The following C17orf67 variants were observed in gnomAD, a reference collection of about 807,000 sequenced individuals.
C17orf67 encodes uncharacterized protein C17orf67.
C17orf67 carries 12 observed loss-of-function variants against 11.2 expected under a neutral mutation model. That is an observed-to-expected ratio of 1.07 (90% CI 0.68 to 1.73). The LOEUF is 1.73. C17orf67 is among the 40% of genes most tolerant of loss of function. C17orf67 has a pLI of 0.00. For missense variants in C17orf67, 115 were observed against 113.5 expected (o/e 1.01, Z -0.06); for synonymous variants, 59 against 46.9 (o/e 1.26, Z -1.05).
At position 56,808,649 on chromosome 17, in the gene C17orf67, G is replaced by C. The variant is rs964284241; in HGVS notation, c.156+6220C>G. On this transcript the variant is annotated intron_variant, in intron 6 of 7. Transcript: ENST00000397861. ...AGCACTTTGTCCTTCCCACCACCAA[G>C]TCAGAAAAGAACAGCTTGTTGCAGT... is the stretch of plus-strand genomic sequence containing the variant. Among the ~76,000 whole-genome samples the C allele has an allele frequency of 2.6e-5, 4 of 152,180 alleles. No individual in the cohort carries two copies. The East Asian group carries it at 7.7e-4, about 29-fold the overall frequency.
At chr17:56,830,573 C>T (rs1906172363) in intron 2 of C17orf67, among the ~76,000 whole-genome samples, 1 of 152,022 alleles carries the variant, frequency 6.6e-6, no homozygotes, top group Admixed American at 6.6e-5. Flanking sequence ...TGGGGAACCC[C>T]ACATCACTTT....
At chr17:56,809,567 G>GCCTCACACACACC (rs1258807759) in intron 6 of C17orf67, among the ~76,000 whole-genome samples, 1 of 85,708 alleles carries the variant, frequency 1.2e-5, no homozygotes, top group Non-Finnish European at 2.3e-5. Flanking sequence ...CACATACACA[G>GCCTCACACACACC]CCTCACACAC....
chr17:56,793,547 T>C (rs1905156853), intron 7 of C17orf67, among the ~76,000 whole-genome samples: 1 of 152,198 alleles, frequency 6.6e-6, no homozygotes, highest in Non-Finnish European at 1.5e-5. Context: ...TAATAAGTGC[T>C]TTTATATTTA....
chr17:56,817,443 AAT>A lies in C17orf67; in HGVS notation c.-200-1435_-200-1434del, dbSNP rs1056010276. On this transcript the variant is annotated intron_variant, in intron 4 of 7. Transcript: ENST00000397861. ...GTTGTCTCACATGTTCATTTGCTCAAATATATATATATATAAGTAAATTTTTT... is the reference window on the plus strand; with the variant it reads ...GTTGTCTCACATGTTCATTTGCTCAAATATATATATATAAGTAAATTTTTT... Among the ~76,000 whole-genome samples, 14 of 150,766 alleles carry A rather than the reference AAT, an allele frequency of 9.3e-5. No individual in the cohort carries two copies. The East Asian group carries it at 1.4e-3, about 15-fold the overall frequency.
chr17:56,814,690 G>T (rs1477923365), intron 6 of C17orf67, among the ~76,000 whole-genome samples, 179 bp downstream of exon 6: 1 of 152,194 alleles, frequency 6.6e-6, no homozygotes, highest in Non-Finnish European at 1.5e-5. Context: ...GGTGAGTCGG[G>T]CTGGCACCTC....
chr17:56,804,006 T>C (rs1905386624), intron 6 of C17orf67: 1 of 152,178 alleles, frequency 6.6e-6, no homozygotes, highest in Non-Finnish European at 1.5e-5. Flanking sequence ...ACATTAAGGA[T>C]AATCTCAAAT....
intron 2 of C17orf67, among the ~76,000 whole-genome samples, chr17:56,829,259 A>C (rs1423667741): frequency 6.6e-6 from 1 of 152,166 alleles, no homozygotes; most frequent in Non-Finnish European, 1.5e-5. Context: ...CTGGGCAACA[A>C]GAGCAAGACT....
rs748986408 is a variant in C17orf67 at position 56,795,172 on chromosome 17, C to T, written c.165G>A (p.Met55Ile). The change falls in exon 7 of 8, where the codon ATG becomes ATA. Residue 55 changes from methionine (M) to isoleucine (I), a missense_variant. Met to Ile is a conservative substitution (Grantham distance 10, BLOSUM62 1). Transcript: ENST00000397861. ...GATGCTCCAGGGCGAGCAGGTGGTG[C>T]ATGTATTCCTGTCAAAACAAACCAC... ...GFPDEPMREY[M>I]HHLLALEHRA... The T allele has an allele frequency of 2.7e-5, 43 of 1,614,074 alleles. No individual in the cohort carries two copies. Among genetic ancestry groups the T allele is most frequent in the Non-Finnish European group, 3.6e-5 (42 of 1,180,010 alleles).
intron 2 of C17orf67, among the ~76,000 whole-genome samples, chr17:56,831,451 A>C (rs1369716691): frequency 6.6e-6 from 1 of 152,176 alleles, no homozygotes. Flanking sequence ...ACCTTTTGAC[A>C]CTAGAGTAGA....
chr17:56,820,391 C>T (rs188768032), intron 4 of C17orf67, among the ~76,000 whole-genome samples: 27 of 152,310 alleles, frequency 1.8e-4, no homozygotes, highest in African/African-American at 5.5e-4. Context: ...CAGGCAGAAA[C>T]CAGCCCTGGA....
chr17:56,793,761 G>A (rs958568315), intron 7 of C17orf67, among the ~76,000 whole-genome samples: 1 of 152,200 alleles, frequency 6.6e-6, no homozygotes, highest in Non-Finnish European at 1.5e-5. Flanking sequence ...CCAAGTGAGG[G>A]CTTCCAGTGC....
At chr17:56,820,444 C>A (rs1337211530) in intron 4 of C17orf67, among the ~76,000 whole-genome samples, 3 of 152,142 alleles carry the variant, frequency 2.0e-5, no homozygotes, top group African/African-American at 7.2e-5. Flanking sequence ...ACACACCCAC[C>A]CACACACACT....
intron 6 of C17orf67, among the ~76,000 whole-genome samples, chr17:56,808,719 C>A (rs1038424883): frequency 6.6e-6 from 1 of 152,210 alleles, no homozygotes; most frequent in Admixed American, 6.5e-5. Context: ...TTTGTGTGCA[C>A]GGGCACAGCT....
chr17:56,793,284 C>T (rs910019325), intron 7 of C17orf67, among the ~76,000 whole-genome samples: 5 of 152,052 alleles, frequency 3.3e-5, no homozygotes, highest in Non-Finnish European at 7.4e-5. Context: ...GACTGGAGGA[C>T]TCATTATCTG....
intron 6 of C17orf67, among the ~76,000 whole-genome samples, chr17:56,796,851 A>T (rs1857913799): frequency 2.1e-5 from 1 of 47,616 alleles, no homozygotes; most frequent in South Asian, 9.6e-4. Flanking sequence ...CTCCACTCTG[A>T]CAGAGTGACC....
chr17:56,800,028 C>T (rs1905282374), intron 6 of C17orf67, among the ~76,000 whole-genome samples: 3 of 139,030 alleles, frequency 2.2e-5, no homozygotes, highest in African/African-American at 2.6e-5. Context: ...AAAAATCCCT[C>T]TTGATTTTTC....
chr17:56,827,804 T>C (rs1906078746), intron 2 of C17orf67, among the ~76,000 whole-genome samples: 1 of 152,258 alleles, frequency 6.6e-6, no homozygotes, highest in Non-Finnish European at 1.5e-5. Flanking sequence ...TTAGTTTTAT[T>C]CAGACTTAGT....
chr17:56,797,498 C>T (rs72837340), intron 6 of C17orf67, among the ~76,000 whole-genome samples: 18,091 of 152,162 alleles, frequency 0.12, 1,164 homozygotes, highest in South Asian at 0.16. Flanking sequence ...CTGCAGGAGT[C>T]AGTCTCCTTG....
At chr17:56,804,163 A>T (rs1249437233) in intron 6 of C17orf67, 1 of 152,238 alleles carries the variant, frequency 6.6e-6, no homozygotes, top group African/African-American at 2.4e-5. Context: ...TGATTTAAGT[A>T]AATTATTTCT....
Sources: allele counts gnomAD v4.1 joint callset (sites outside exome capture counted in the v4.1 genomes callset), GRCh38; gene constraint gnomAD v4.1.1; transcripts MANE v1.5; gene names NCBI Gene and HGNC (gene_info 2026-07-23, HGNC 2026-07-21).